The following PSD variants were observed in gnomAD, a reference collection of about 807,000 sequenced individuals.
PSD encodes the protein pleckstrin and Sec7 domain containing, also known as PH and SEC7 domain-containing protein 1.
In PSD, 32 loss-of-function variants were observed where a neutral mutation model predicts 91.6. The ratio of observed to expected loss-of-function variants is 0.35; its 90% confidence interval spans 0.26 to 0.47. The LOEUF (loss-of-function observed/expected upper bound fraction) is 0.47. Among genes scored for constraint, PSD ranks in the 20% least tolerant of loss-of-function variants. The pLI is 1.00. For missense variants in PSD, 1,099 were observed against 1,373.9 expected (o/e 0.80, Z 3.16); for synonymous variants, 532 against 569.3 (o/e 0.93, Z 0.93).
chr10:102,404,542 C>T lies in PSD; in HGVS notation c.2700+41G>A. 6.3e-7 allele frequency: 1 copy of T among 1,597,206 alleles called. No individual in the cohort carries two copies. The highest frequency in any genetic ancestry group is 8.5e-7 in the Non-Finnish European group (1 of 1,172,202). ...AGTGCAGTGGGCCTGAGCCTAACAC[C>T]CTCCATCCCACTGGCACTAGGTGGA... On this transcript the variant is annotated intron_variant, in intron 15 of 16. Transcript: ENST00000020673. This position sits in a 1 kb window ranked among gnomAD's most constrained non-coding sequence, Gnocchi z 5.7.
chr10:102,406,813 A>T (rs982895530), intron 11 of PSD, among the ~76,000 whole-genome samples: 1 of 152,058 alleles, frequency 6.6e-6, no homozygotes, highest in African/African-American at 2.4e-5. Context: ...CCGAGTATCT[A>T]TGTTTCTATT....
chr10:102,411,931 G>A, intron 7 of PSD, 112 bp from the exon 8 acceptor site: 7 of 913,456 alleles, frequency 7.7e-6, no homozygotes, highest in Non-Finnish European at 1.1e-5. Context: ...GGGGAGGAGA[G>A]AAAGGGGATG....
chr10:102,414,787 C>G lies in PSD; in HGVS notation c.1124+76G>C. The G allele has an allele frequency of 6.8e-7, 1 of 1,466,746 alleles. No homozygotes were observed. The highest frequency in any genetic ancestry group is 9.0e-7 in the Non-Finnish European group (1 of 1,111,828). 90.9% of individuals were successfully genotyped at this position (1,466,746 alleles called of 1,614,324 possible). On this transcript the variant is annotated intron_variant, in intron 4 of 16. Coordinates refer to ENST00000020673, the MANE Select transcript of PSD (RefSeq NM_002779.5). The surrounding 1 kb of genome is among the most constrained non-coding windows in gnomAD (Gnocchi z 5.6). ...ATCTCTATCCCAGGCCCTTTGAGCC[C>G]GGCTCTGCCTGTGGGCCAGTGCGAA...
In PSD at chr10:102,407,270, G is replaced by T. The variant is rs954065604; in HGVS notation, c.2092-4C>A. On this transcript the variant is annotated splice_region_variant and splice_polypyrimidine_tract_variant and intron_variant, in intron 10 of 16. Transcript: ENST00000020673. ...TCTTGATGGAGCTGTACAAGGCCTG[G>T]GGGGTGGGGGGAACAAATTAGGGGG... is the stretch of plus-strand genomic sequence containing the variant. 8 of 1,581,332 alleles carry T rather than the reference G, an allele frequency of 5.1e-6. No homozygotes were observed. The highest frequency in any genetic ancestry group is 6.0e-6 in the Non-Finnish European group (7 of 1,163,316).
intron 1 of PSD, 85 bp from the exon 2 acceptor site, chr10:102,417,206 T>A: frequency 1.7e-6 from 1 of 583,316 alleles, no homozygotes; most frequent in Non-Finnish European, 3.0e-6. Flanking sequence ...GAAAGTTGGC[T>A]AGGGCCTCTG....
rs950181526 is a variant in PSD, at chr10:102,404,208, C to T, written c.2701-223G>A. 1.3e-5 allele frequency among the ~76,000 whole-genome samples: 2 copies of T among 152,076 alleles called. No homozygotes were observed. Among genetic ancestry groups the T allele is most frequent in the Admixed American group, 1.3e-4 (2 of 15,268 alleles). Reference sequence around the variant, plus strand: ...CTAAAAATATAAAAAATTAGCCAGGCGTGGTGGCAGGTGCCTGTAGTCCCA... The same window carrying T: ...CTAAAAATATAAAAAATTAGCCAGGTGTGGTGGCAGGTGCCTGTAGTCCCA... On this transcript the variant is annotated intron_variant, in intron 15 of 16. Transcript: ENST00000020673. This position sits in a 1 kb window ranked among gnomAD's most constrained non-coding sequence, Gnocchi z 5.7.
At position 102,405,095 on chromosome 10, in the gene PSD, C is replaced by T. The variant is rs113136188; in HGVS notation, c.2398-40G>A. The stretch of plus-strand genomic sequence containing the variant: ...ATCTTGTCCTGGCCCCAAATGCAGC[C>T]TGGCCCAGCCCCTCCTATTCCCACC... On this transcript the variant is annotated intron_variant, in intron 13 of 16. Coordinates refer to ENST00000020673, the MANE Select transcript of PSD (RefSeq NM_002779.5). This position sits in a 1 kb window ranked among gnomAD's most constrained non-coding sequence, Gnocchi z 5.4. The T allele has an allele frequency of 0.032, 51,962 of 1,611,592 alleles. 1,058 individuals carry two copies. Among genetic ancestry groups the T allele is most frequent in the Non-Finnish European group, 0.038 (45,250 of 1,178,778 alleles).
chr10:102,416,328 G>C lies in PSD; in HGVS notation c.654+57C>G. 1 of 1,538,032 alleles carries C rather than the reference G, an allele frequency of 6.5e-7. No homozygotes were observed. The highest frequency in any genetic ancestry group is 8.8e-7 in the Non-Finnish European group (1 of 1,134,368). ...CAGCAGACAAGCCCATGTCTGACAG[G>C]AGGCTGAGCCTTGCCCCTTCACTGG... On this transcript the variant is annotated intron_variant, in intron 2 of 16. Transcript: ENST00000020673. The surrounding 1 kb of genome is among the most constrained non-coding windows in gnomAD (Gnocchi z 6.0).
rs2061448274 is a variant in PSD, at chr10:102,413,880, C to G, written c.1442G>C (p.Arg481Thr). The change falls in exon 5 of 17, where the codon AGA (arginine) becomes ACA (threonine). Residue 481 changes from arginine to threonine, a missense_variant. Arg to Thr is a moderately conservative substitution (Grantham distance 71). Around this residue, in one of 3 missense-constraint regions of PSD, gnomAD observed 631 missense variants for 728.8 expected, o/e 0.87. Transcript: ENST00000020673. ...GGCCTCTGCCTCCTCCTCCTCCCCT[C>G]TCTGTGTCCAAGGACCATCAGCAGC... ...SSAADGPWTQ[R>T]GEEEEAEARA... 2 of 1,613,964 alleles carry G rather than the reference C, an allele frequency of 1.2e-6. No homozygotes were observed. The highest frequency in any genetic ancestry group is 1.7e-5 in the Admixed American group (1 of 60,012).
chr10:102,407,355 G>A, intron 10 of PSD, 89 bp from the exon 11 acceptor site: 1 of 847,878 alleles, frequency 1.2e-6, no homozygotes, highest in Non-Finnish European at 1.7e-6. Flanking sequence ...TGAGAGATGA[G>A]CCAGAACTAA....
intron 1 of PSD, among the ~76,000 whole-genome samples, chr10:102,417,639 G>A (rs1469116495): frequency 6.6e-6 from 1 of 152,090 alleles, no homozygotes; most frequent in Non-Finnish European, 1.5e-5. Flanking sequence ...CATGGAAGTG[G>A]GGAGAAAAGC....
intron 10 of PSD, among the ~76,000 whole-genome samples, chr10:102,408,579 C>G (rs905554996): frequency 1.3e-5 from 2 of 152,266 alleles, no homozygotes; most frequent in Non-Finnish European, 2.9e-5. Flanking sequence ...CCTTGCCTCC[C>G]GCCTTCTAGT....
intron 7 of PSD, 88 bp downstream of exon 7, chr10:102,412,059 G>T: frequency 7.3e-7 from 1 of 1,368,000 alleles, no homozygotes; most frequent in Non-Finnish European, 1.0e-6. Context: ...ACGGCTTGTG[G>T]GGGACAGAGG....
Position 102,414,714 on chromosome 10 carries a change from C to CT in PSD, c.1124+148dup. On this transcript the variant is annotated intron_variant, in intron 4 of 16. Transcript: ENST00000020673. The surrounding 1 kb of genome is among the most constrained non-coding windows in gnomAD (Gnocchi z 5.6). ...CAGTGTTCTGCCAAGCCTCAGGCCT[C>CT]TGTCTAGAATCTCCTGCTATACACA... The CT allele has an allele frequency of 9.3e-7, 1 of 1,075,058 alleles. No homozygotes were observed. Among genetic ancestry groups the CT allele is most frequent in the Non-Finnish European group, 1.2e-6 (1 of 802,476 alleles). 66.6% of individuals were successfully genotyped at this position (1,075,058 alleles called of 1,614,324 possible). A position where few individuals can be genotyped will look rare whatever the true frequency, so the allele number is the denominator to read the frequency against.
intron 3 of PSD, 85 bp downstream of exon 3, chr10:102,415,932 A>G (rs926884299): frequency 4.2e-6 from 4 of 948,526 alleles, no homozygotes; most frequent in African/African-American, 1.7e-5. Context: ...GATTGGGGGA[A>G]GTTTGAAGGA....
Position 102,414,799 on chromosome 10 carries a change from T to C in PSD, c.1124+64A>G. ...GGCCCTTTGAGCCCGGCTCTGCCTG[T>C]GGGCCAGTGCGAAGGAGCAAGCCGC... On this transcript the variant is annotated intron_variant, in intron 4 of 16. Coordinates refer to ENST00000020673, the MANE Select transcript of PSD (RefSeq NM_002779.5). The surrounding 1 kb of genome is among the most constrained non-coding windows in gnomAD (Gnocchi z 5.6). The C allele has an allele frequency of 6.8e-7, 1 of 1,476,314 alleles. No homozygotes were observed. The highest frequency in any genetic ancestry group is 8.9e-7 in the Non-Finnish European group (1 of 1,117,908). The allele number at this position is 1,476,314 out of a possible 1,614,324, so 91.5% of individuals were successfully genotyped here. A position where few individuals can be genotyped will look rare whatever the true frequency, so the allele number is the denominator to read the frequency against.
chr10:102,409,072 G>A lies in PSD; in HGVS notation c.2091+1786C>T. On this transcript the variant is annotated intron_variant, in intron 10 of 16. Coordinates refer to ENST00000020673, the MANE Select transcript of PSD (RefSeq NM_002779.5). The surrounding 1 kb of genome is among the most constrained non-coding windows in gnomAD (Gnocchi z 5.7). ...AGCGCAGCCGCCCGGCGCTGCTGTG[G>A]ATGCTGTTGACGCCGATCATGCTGG... 1 of 985,236 alleles carries A rather than the reference G, an allele frequency of 1.0e-6. No individual in the cohort carries two copies. 61.0% of individuals were successfully genotyped at this position (985,236 alleles called of 1,614,324 possible). A position where few individuals can be genotyped will look rare whatever the true frequency, so the allele number is the denominator to read the frequency against.
At position 102,416,078 on chromosome 10, in the gene PSD, G is replaced by A. The variant is rs2061476433; in HGVS notation, c.696C>T (p.Ala232=). Residue 232 remains alanine, a synonymous_variant, in exon 3 of 17, where the codon GCC becomes GCT. Transcript: ENST00000020673. The surrounding 1 kb of genome is among the most constrained non-coding windows in gnomAD (Gnocchi z 6.0). The stretch of plus-strand genomic sequence containing the variant: ...CCCATTTGGCTCTAGCGATTCTCTG[G>A]GCATGAGAGGAGACTTCCCGGGGGG... ...WSSPREVSSH[A]QRIARAKWEF... 10 of 1,614,002 alleles carry A rather than the reference G, an allele frequency of 6.2e-6. No individual in the cohort carries two copies. Among genetic ancestry groups the A allele is most frequent in the Non-Finnish European group, 8.5e-6 (10 of 1,179,958 alleles).
Position 102,404,147 on chromosome 10 carries a change from G to A in PSD, c.2701-162C>T, listed in dbSNP as rs1361629709. On this transcript the variant is annotated intron_variant, in intron 15 of 16. Transcript: ENST00000020673. This position sits in a 1 kb window ranked among gnomAD's most constrained non-coding sequence, Gnocchi z 5.7. The stretch of plus-strand genomic sequence containing the variant: ...GCGGATCACGAGGTCAGGAGATCGA[G>A]ACCATCCTGGCTAACACGGTGAAAC... Among the ~76,000 whole-genome samples, 1 of 152,294 alleles carries A rather than the reference G, an allele frequency of 6.6e-6. No individual in the cohort carries two copies. Among genetic ancestry groups the A allele is most frequent in the East Asian group, 1.9e-4 (1 of 5,180 alleles).
Sources: gnomAD v4.1 joint callset for allele counts (sites outside exome capture counted in the v4.1 genomes callset) on GRCh38, gnomAD v4.1.1 for gene constraint, gnomAD v4.1.1 regional missense constraint, Gnocchi (gnomAD v3.1) non-coding constraint, MANE v1.5 for transcripts, NCBI Gene and HGNC (gene_info 2026-07-23, HGNC 2026-07-21) for gene names.